The following GFRAL variants were observed in gnomAD, a reference collection of about 807,000 sequenced individuals.
GFRAL encodes GDNF family receptor alpha-like.
Under a neutral mutation model 45.4 loss-of-function variants are expected in GFRAL, and 36 were observed. The observed-to-expected ratio is 0.79, with a 90% CI of 0.61 to 1.05. The LOEUF (loss-of-function observed/expected upper bound fraction) is 1.05. Ranked by LOEUF, GFRAL falls within the 50% of genes least tolerant of loss-of-function variation. The pLI is 0.00. For missense variants in GFRAL, 507 were observed against 467.5 expected, an observed-to-expected ratio of 1.08 and a Z score of -0.78; for synonymous variants, 166 against 154.1, an observed-to-expected ratio of 1.08 and a Z score of -0.57.
chr6:55,382,209 C>A (rs1206841735), intron 6 of GFRAL, among the ~76,000 whole-genome samples: 1 of 151,870 alleles, frequency 6.6e-6, no homozygotes, highest in Non-Finnish European at 1.5e-5. Flanking sequence ...CCATTGGATT[C>A]ATAGACATTC....
At chr6:55,373,529 A>T (rs1768481532) in intron 6 of GFRAL, among the ~76,000 whole-genome samples, 1 of 151,858 alleles carries the variant, frequency 6.6e-6, no homozygotes, top group African/African-American at 2.4e-5. Context: ...ACAATAAAAA[A>T]TTTTTCTTGA....
intron 5 of GFRAL, among the ~76,000 whole-genome samples, chr6:55,353,499 T>C (rs1391024020): frequency 6.6e-6 from 1 of 152,074 alleles, no homozygotes; most frequent in African/African-American, 2.4e-5. Flanking sequence ...TCAAGGTTCT[T>C]AAAATTGTAT....
intron 6 of GFRAL, among the ~76,000 whole-genome samples, chr6:55,378,159 G>T (rs116391833): frequency 1.7e-4 from 26 of 152,056 alleles, no homozygotes; most frequent in African/African-American, 6.0e-4. Context: ...TGGCAGAAAA[G>T]TACTGGGAAA....
intron 5 of GFRAL, among the ~76,000 whole-genome samples, chr6:55,356,435 G>A (rs79867128): frequency 0.012 from 1,891 of 151,944 alleles, 36 homozygotes; most frequent in African/African-American, 0.043. Context: ...GTTCAATCTT[G>A]GTAGGTTGTG....
At chr6:55,369,313 C>T (rs544556957) in intron 6 of GFRAL, among the ~76,000 whole-genome samples, 6 of 152,234 alleles carry the variant, frequency 3.9e-5, no homozygotes, top group Non-Finnish European at 7.4e-5. Flanking sequence ...ACGCAAGGTG[C>T]GCGCACCCAC....
At chr6:55,397,524 C>T (rs1389124297) in intron 6 of GFRAL, among the ~76,000 whole-genome samples, 3 of 67,416 alleles carry the variant, frequency 4.4e-5, no homozygotes, top group Non-Finnish European at 8.1e-5. Context: ...GACTCCGTCT[C>T]AAAAAAAAAA....
intron 6 of GFRAL, among the ~76,000 whole-genome samples, chr6:55,369,151 G>A (rs1194945320): frequency 2.0e-5 from 3 of 151,678 alleles, no homozygotes; most frequent in Non-Finnish European, 2.9e-5. Flanking sequence ...ATGGTGCGCC[G>A]TTTTTTAAGC....
chr6:55,351,665 C>G (rs1768120177), intron 5 of GFRAL, 82 bp downstream of exon 5: 1 of 948,084 alleles, frequency 1.1e-6, no homozygotes, highest in Admixed American at 2.7e-5. Context: ...GATCTCATAA[C>G]ATTAGCTAGA....
chr6:55,369,935 A>G (rs1340297807), intron 6 of GFRAL, among the ~76,000 whole-genome samples: 1 of 151,982 alleles, frequency 6.6e-6, no homozygotes, highest in Non-Finnish European at 1.5e-5. Context: ...TGATCTGCAT[A>G]CCTCCTTAAT....
intron 6 of GFRAL, among the ~76,000 whole-genome samples, chr6:55,383,191 T>C (rs1768634689): frequency 6.6e-6 from 1 of 151,990 alleles, no homozygotes; most frequent in Non-Finnish European, 1.5e-5. Flanking sequence ...GATATGCATT[T>C]CTACAAGCAA....
At chr6:55,390,655 C>G (rs139487613) in intron 6 of GFRAL, among the ~76,000 whole-genome samples, 4 of 151,940 alleles carry the variant, frequency 2.6e-5, no homozygotes, top group African/African-American at 9.6e-5. Context: ...TTTGGGAGAC[C>G]AAGGCGGGCG....
rs2127355231 is a variant in GFRAL, at chr6:55,351,250, C to T, written c.371-3C>T. On this transcript the variant is annotated splice_region_variant and splice_polypyrimidine_tract_variant and intron_variant, in intron 4 of 8. Coordinates refer to ENST00000340465, the MANE Select transcript of GFRAL (RefSeq NM_207410.2). ...CACGACCTGGGCATATCATTGCTTT[C>T]AGGATTCAAAGGGATGTGGTCCTGT... 2 of 1,571,070 alleles carry T rather than the reference C, an allele frequency of 1.3e-6. No homozygotes were observed. Among genetic ancestry groups the T allele is most frequent in the Non-Finnish European group, 1.7e-6 (2 of 1,154,700 alleles).
chr6:55,345,331 G>A (rs1768024421), intron 3 of GFRAL, among the ~76,000 whole-genome samples: 1 of 152,122 alleles, frequency 6.6e-6, no homozygotes, highest in South Asian at 2.1e-4. Flanking sequence ...GCATGGTACT[G>A]GTACCAAAAC....
At chr6:55,334,654 TA>T (rs965117673) in intron 3 of GFRAL, among the ~76,000 whole-genome samples, 2 of 148,100 alleles carry the variant, frequency 1.4e-5, no homozygotes, top group African/African-American at 5.0e-5. Flanking sequence ...TTACAAGAGG[TA>T]GATTTACCTC....
intron 6 of GFRAL, among the ~76,000 whole-genome samples, chr6:55,372,863 G>A (rs557865766): frequency 6.6e-6 from 1 of 152,248 alleles, no homozygotes; most frequent in South Asian, 2.1e-4. Flanking sequence ...CAGAGAATAT[G>A]CTTATTCCTT....
chr6:55,335,982 C>A (rs998725833), intron 3 of GFRAL, among the ~76,000 whole-genome samples: 1 of 151,314 alleles, frequency 6.6e-6, no homozygotes, highest in African/African-American at 2.4e-5. Context: ...TCTTATTCTG[C>A]CACCCAGGCT....
In GFRAL at chr6:55,358,991, T is replaced by G. The variant is rs1252335809; in HGVS notation, c.805T>G (p.Cys269Gly). The G allele has an allele frequency of 1.6e-5, 26 of 1,613,022 alleles. No individual in the cohort carries two copies. The highest frequency in any genetic ancestry group is 2.1e-5 in the Non-Finnish European group (25 of 1,179,392). ...CACCTTAAGCAAACAGGACCTCACTTGTTCAGGAAGTGATGACTGCAAAGC... is the reference window on the plus strand; with the variant it reads ...CACCTTAAGCAAACAGGACCTCACTGGTTCAGGAAGTGATGACTGCAAAGC... ...ISTLSKQDLT[C>G]SGSDDCKAAY... The change falls in exon 6 of 9, where the codon TGT becomes GGT. Residue 269 changes from cysteine to glycine, a missense_variant. Coordinates refer to ENST00000340465, the MANE Select transcript of GFRAL (RefSeq NM_207410.2).
chr6:55,400,291 G>A (rs1264355386), intron 8 of GFRAL, among the ~76,000 whole-genome samples: 2 of 152,068 alleles, frequency 1.3e-5, no homozygotes, highest in African/African-American at 4.8e-5. Flanking sequence ...ATATATACAT[G>A]TAAGTACATA....
chr6:55,399,121 C>A lies in GFRAL; in HGVS notation c.953-59C>A. ...TTAAAAGATAAAGCAAATTGTAATC[C>A]ATAAAATTAAAATAATGTATGATAT... is the stretch of plus-strand genomic sequence containing the variant. On this transcript the variant is annotated intron_variant, in intron 6 of 8. Transcript: ENST00000340465. The A allele has an allele frequency of 1.2e-5, 10 of 834,590 alleles. No homozygotes were observed. In the South Asian group the frequency reaches 1.3e-4, roughly 11 times the overall value. The allele number at this position is 834,590 out of a possible 1,614,324, so 51.7% of individuals were successfully genotyped here. A position where few individuals can be genotyped will look rare whatever the true frequency, so the allele number is the denominator to read the frequency against.
Sources: allele counts gnomAD v4.1 joint callset (sites outside exome capture counted in the v4.1 genomes callset), GRCh38; gene constraint gnomAD v4.1.1; transcripts MANE v1.5; gene names NCBI Gene and HGNC (gene_info 2026-07-23, HGNC 2026-07-21).